The following DSE variants were observed in gnomAD, a reference collection of about 807,000 sequenced individuals.
DSE encodes the protein dermatan sulfate epimerase.
A neutral mutation model predicts 84.4 loss-of-function variants in DSE; 36 were observed. The ratio of observed to expected loss-of-function variants is 0.43; its 90% confidence interval spans 0.33 to 0.56. DSE has a LOEUF of 0.56. Ranked by LOEUF, DSE falls within the 20% of genes least tolerant of loss-of-function variation. The pLI, the probability that DSE is intolerant of heterozygous loss-of-function variation, is 0.06. For synonymous variants in DSE, 410 were observed against 430.1 expected, an observed-to-expected ratio of 0.95 and a Z score of 0.58; for missense variants, 862 against 1,169.6, an observed-to-expected ratio of 0.74 and a Z score of 3.84.
chr6:116,285,411 T>C (rs1371493845), intron 2 of DSE, among the ~76,000 whole-genome samples: 4 of 152,248 alleles, frequency 2.6e-5, no homozygotes, highest in African/African-American at 9.6e-5. Flanking sequence ...TTGTAGATTC[T>C]GGATACTAGC....
chr6:116,323,550 AGT>A (rs1776451756), intron 2 of DSE, among the ~76,000 whole-genome samples: 1 of 152,174 alleles, frequency 6.6e-6, no homozygotes, highest in Non-Finnish European at 1.5e-5. Context: ...CTTATCGAAA[AGT>A]GTGTCCAGGA....
At chr6:116,336,056 A>G (rs1777234457) in intron 2 of DSE, among the ~76,000 whole-genome samples, 1 of 152,230 alleles carries the variant, frequency 6.6e-6, no homozygotes, top group Non-Finnish European at 1.5e-5. Flanking sequence ...CTCTTTCAGA[A>G]TTATGTTCAG....
At position 116,267,464 on chromosome 6, in the gene DSE, G is replaced by GA. The variant is rs563578574; in HGVS notation, c.-54+8503dup. On this transcript the variant is annotated intron_variant, in intron 2 of 3. Transcript: ENST00000430252. ...AGTTGAAAAAAAAGAAAAAATATTA[G>GA]AAAAAAGCTTATAAATTAAAGATAT... is the stretch of plus-strand genomic sequence containing the variant. Among the ~76,000 whole-genome samples, 904 of 140,970 alleles carry GA rather than the reference G, an allele frequency of 6.4e-3. 9 individuals carry two copies. Among genetic ancestry groups the GA allele is most frequent in the African/African-American group, 0.021 (845 of 40,928 alleles). The allele number at this position is 140,970 out of a possible 152,430, so 92.5% of individuals were successfully genotyped here.
intron 2 of DSE, among the ~76,000 whole-genome samples, chr6:116,313,962 A>T (rs2114739207): frequency 6.6e-6 from 1 of 152,294 alleles, no homozygotes; most frequent in South Asian, 2.1e-4. Flanking sequence ...AACTTAAACC[A>T]CCTAGGCAGA....
intron 2 of DSE, among the ~76,000 whole-genome samples, chr6:116,326,456 G>A (rs754620445): frequency 7.9e-5 from 12 of 152,142 alleles, no homozygotes; most frequent in Non-Finnish European, 1.6e-4. Flanking sequence ...CACCTCCTTA[G>A]GGTATCTTGC....
intron 2 of DSE, among the ~76,000 whole-genome samples, chr6:116,316,826 C>CTACTACTACTATTATTATTAT (rs59889768): frequency 6.9e-6 from 1 of 145,848 alleles, no homozygotes; most frequent in Non-Finnish European, 1.5e-5. Context: ...ACTACTACTA[C>CTACTACTACTATTATTATTAT]TATTATTATT....
At chr6:116,279,158 C>A (rs1773319494) in intron 2 of DSE, 1 of 1,613,852 alleles carries the variant, frequency 6.2e-7, no homozygotes, top group Non-Finnish European at 8.5e-7. Flanking sequence ...CGGAGAGCCT[C>A]ATGCAAAGGC....
At chr6:116,282,121 A>C (rs1248763565) in intron 2 of DSE, among the ~76,000 whole-genome samples, 1 of 152,224 alleles carries the variant, frequency 6.6e-6, no homozygotes, top group East Asian at 1.9e-4. Flanking sequence ...GAAAAAGTCA[A>C]GGTAATCATT....
chr6:116,429,260 A>G (rs1189724764), intron 3 of DSE, among the ~76,000 whole-genome samples: 1 of 152,200 alleles, frequency 6.6e-6, no homozygotes, highest in Admixed American at 6.5e-5. Flanking sequence ...CAAGCCTGAC[A>G]GCTGCATTGC....
chr6:116,325,510 C>A (rs1470441739), intron 2 of DSE, among the ~76,000 whole-genome samples: 2 of 152,138 alleles, frequency 1.3e-5, no homozygotes, highest in Non-Finnish European at 2.9e-5. Flanking sequence ...AGATTTCTTG[C>A]AACTTTCATC....
At chr6:116,267,529 C>T (rs1270854010) in intron 2 of DSE, among the ~76,000 whole-genome samples, 2 of 151,696 alleles carry the variant, frequency 1.3e-5, no homozygotes, top group African/African-American at 4.8e-5. Flanking sequence ...GTGTTCTAAG[C>T]TAAGTGTCAT....
At chr6:116,322,846 A>G (rs73767741) in intron 2 of DSE, among the ~76,000 whole-genome samples, 3,165 of 152,272 alleles carry the variant, frequency 0.021, 128 homozygotes, top group African/African-American at 0.073. Flanking sequence ...AGGGTAGAAG[A>G]GACTGCAGAA....
chr6:116,431,700 A>G (rs1215771341), intron 4 of DSE, among the ~76,000 whole-genome samples: 1 of 152,170 alleles, frequency 6.6e-6, no homozygotes. Flanking sequence ...AGTAAATAGT[A>G]TAGAAAAGTA....
At chr6:116,278,656 A>AT in intron 2 of DSE, 2 of 1,614,138 alleles carry the variant, frequency 1.2e-6, no homozygotes, top group Non-Finnish European at 1.7e-6. Context: ...AATCTCAGCA[A>AT]TTTTGTCGGA....
At chr6:116,341,032 T>A (rs1360791295) in intron 2 of DSE, among the ~76,000 whole-genome samples, 8 of 152,212 alleles carry the variant, frequency 5.3e-5, no homozygotes, top group Admixed American at 6.5e-5. Flanking sequence ...TCAAATGGTA[T>A]TTCTAGTTCT....
upstream of DSE, chr6:116,370,022 G>T: frequency 2.6e-6 from 3 of 1,159,050 alleles, no homozygotes; most frequent in Non-Finnish European, 3.4e-6. Flanking sequence ...AAGTATTCCT[G>T]AGGTGATGGC....
intron 2 of DSE, among the ~76,000 whole-genome samples, chr6:116,274,964 A>G (rs1236505665): frequency 6.6e-6 from 1 of 152,358 alleles, no homozygotes; most frequent in East Asian, 1.9e-4. Flanking sequence ...ACTAGTAGCC[A>G]CATTAAACAA....
intron 2 of DSE, among the ~76,000 whole-genome samples, chr6:116,299,551 T>TATACAC (rs1554209343): frequency 3.7e-5 from 2 of 53,674 alleles, no homozygotes; most frequent in African/African-American, 2.5e-4. Flanking sequence ...TATATATATA[T>TATACAC]ACACATACAC....
intron 1 of DSE, among the ~76,000 whole-genome samples, chr6:116,382,383 G>A (rs765684796): frequency 7.2e-5 from 11 of 152,102 alleles, no homozygotes; most frequent in Non-Finnish European, 1.6e-4. Context: ...TGTCTCTTCT[G>A]TCTCCTTTCT....
Sources: gnomAD v4.1 joint callset for allele counts (sites outside exome capture counted in the v4.1 genomes callset) on GRCh38, gnomAD v4.1.1 for gene constraint, MANE v1.5 for transcripts, NCBI Gene and HGNC (gene_info 2026-07-23, HGNC 2026-07-21) for gene names.